UNC93A: variants seen among roughly 807,000 people sequenced by gnomAD.
UNC93A encodes the protein unc-93 homolog A.
Under a neutral mutation model 47.5 loss-of-function variants are expected in UNC93A, and 43 were observed. The observed-to-expected ratio is 0.91, with a 90% CI of 0.71 to 1.17. The LOEUF is 1.17. UNC93A is among the 50% of genes most tolerant of loss of function. The pLI, the probability that UNC93A is intolerant of heterozygous loss-of-function variation, is 0.00. For synonymous variants in UNC93A, 280 were observed against 258.0 expected, an observed-to-expected ratio of 1.09 and a Z score of -0.82; for missense variants, 605 against 577.6, an observed-to-expected ratio of 1.05 and a Z score of -0.49.
chr6:167,298,064 T>C lies in UNC93A; in HGVS notation c.619T>C (p.Tyr207His). 1 of 1,613,824 alleles carries C rather than the reference T, an allele frequency of 6.2e-7. No homozygotes were observed. Among genetic ancestry groups the C allele is most frequent in the Non-Finnish European group, 8.5e-7 (1 of 1,179,922 alleles). ...QQLVYTLLGI[Y>H]TGSGVLAVLM... ...GCTGGTCTACACCCTCCTGGGCATC[T>C]ACACTGGTACGAGCTCCATCGGCCC... The change falls in exon 4 of 8, where the codon TAC becomes CAC. Residue 207 changes from tyrosine (Y) to histidine (H), a missense_variant. By Grantham distance (83) the Tyr-to-His change is moderately conservative. Transcript: ENST00000230256.
chr6:167,314,060 G>A (rs1409467586), intron 7 of UNC93A, among the ~76,000 whole-genome samples: 1 of 152,144 alleles, frequency 6.6e-6, no homozygotes, highest in Non-Finnish European at 1.5e-5. Flanking sequence ...TGCTGTAAGC[G>A]CATCTGCGTT....
chr6:167,290,598 T>A (rs558031968), upstream of UNC93A, among the ~76,000 whole-genome samples: 8 of 152,346 alleles, frequency 5.3e-5, no homozygotes, highest in Non-Finnish European at 1.0e-4. Flanking sequence ...TCTAGCCACA[T>A]GTGGTTAAAT....
rs375640867 is a variant in UNC93A at position 167,307,776 on chromosome 6, C to G, written c.977-3C>G. On this transcript the variant is annotated splice_polypyrimidine_tract_variant and splice_region_variant and intron_variant, in intron 6 of 7. Coordinates refer to ENST00000230256, the MANE Select transcript of UNC93A (RefSeq NM_018974.4). ...CCTGGCGGTTTCCCCTCTGCACCCC[C>G]AGGCGCGGTGACCCACGTGTCCTGC... The G allele has an allele frequency of 2.5e-6, 4 of 1,591,920 alleles. No individual in the cohort carries two copies. In the African/African-American group the frequency reaches 5.9e-5, roughly 24 times the overall value.
upstream of UNC93A, among the ~76,000 whole-genome samples, chr6:167,288,710 T>C (rs954373209): frequency 6.6e-6 from 1 of 152,190 alleles, no homozygotes; most frequent in African/African-American, 2.4e-5. Context: ...AAGCAAACCA[T>C]TGGGTAGACT....
At chr6:167,274,761 CA>C (rs1210330959) in intron 1 of UNC93A, among the ~76,000 whole-genome samples, 5 of 152,160 alleles carry the variant, frequency 3.3e-5, no homozygotes, top group Non-Finnish European at 7.3e-5. Context: ...AACTACCATG[CA>C]GAGCTTCCAT....
intron 1 of UNC93A, among the ~76,000 whole-genome samples, chr6:167,293,803 C>T (rs1385435298): frequency 6.6e-6 from 1 of 152,210 alleles, no homozygotes; most frequent in Non-Finnish European, 1.5e-5. Context: ...TCCTTTCACC[C>T]TTTCTGGCTG....
chr6:167,301,460 G>A (rs571327671), intron 4 of UNC93A, among the ~76,000 whole-genome samples: 1 of 152,268 alleles, frequency 6.6e-6, no homozygotes, highest in Non-Finnish European at 1.5e-5. Context: ...GGACCTAAAA[G>A]AACAAGAACA....
chr6:167,275,191 C>T (rs1361562547), intron 1 of UNC93A, among the ~76,000 whole-genome samples: 2 of 152,168 alleles, frequency 1.3e-5, no homozygotes, highest in African/African-American at 4.8e-5. Context: ...GCCTGGTTGC[C>T]TGCGAAACTC....
intron 7 of UNC93A, 35 bp downstream of exon 7, chr6:167,307,945 A>T: frequency 6.2e-7 from 1 of 1,610,512 alleles, no homozygotes; most frequent in Non-Finnish European, 8.5e-7. Flanking sequence ...CCTCTGTGGC[A>T]GCAGGGGGCG....
At position 167,296,131 on chromosome 6, in the gene UNC93A, A is replaced by G. The variant is rs1332089184; in HGVS notation, c.369A>G (p.Ala123=). The change falls in exon 3 of 8, where the codon GCA becomes GCG. Residue 123 remains alanine, a synonymous_variant. Transcript: ENST00000230256. ...TYLTITGNTH[A]EKAGKRGKDM... ...TCACGATCACGGGAAACACACATGC[A>G]GAGAAGGCGGGAAAGCGTGGCAAAG... is the stretch of plus-strand genomic sequence containing the variant. 1 of 1,614,126 alleles carries G rather than the reference A, an allele frequency of 6.2e-7. No homozygotes were observed. The highest frequency in any genetic ancestry group is 1.3e-5 in the African/African-American group (1 of 74,920).
chr6:167,297,947 A>G lies in UNC93A; in HGVS notation c.502A>G (p.Thr168Ala). The G allele has an allele frequency of 3.7e-6, 6 of 1,613,568 alleles. No homozygotes were observed. The highest frequency in any genetic ancestry group is 1.1e-5 in the South Asian group (1 of 91,046). ...LVFGQTPSQE[T>A]LPEEQLTSCG... ...TCCTGTCCACTCTGACTTCATAGAG[A>G]CCCTTCCAGAAGAGCAGCTCACGTC... The change falls in exon 4 of 8, where the codon ACC becomes GCC. Residue 168 changes from threonine to alanine, a missense_variant and splice_region_variant. By Grantham distance (58) the Thr-to-Ala change is moderately conservative (BLOSUM62 0). Coordinates refer to ENST00000230256, the MANE Select transcript of UNC93A (RefSeq NM_018974.4).
In UNC93A at chr6:167,285,762, G is replaced by A. The variant is rs189857299; in HGVS notation, c.-51-5677G>A. Among the ~76,000 whole-genome samples, 362 of 151,722 alleles carry A rather than the reference G, an allele frequency of 2.4e-3. 3 individuals carry two copies. The highest frequency in any genetic ancestry group is 3.8e-3 in the Admixed American group (58 of 15,116). ...TGGGGGGCTTAGCTTACCTTACAGA[G>A]TTCTTTCTACAACAATTCCTTTATA... On this transcript the variant is annotated intron_variant, in intron 1 of 3. Transcript: ENST00000503433.
chr6:167,306,078 G>C (rs375959744), intron 6 of UNC93A, 28 bp downstream of exon 6: 2 of 1,612,414 alleles, frequency 1.2e-6, no homozygotes, highest in Non-Finnish European at 8.5e-7. Flanking sequence ...TCCCATCCCA[G>C]CTGTCATAAC....
intron 5 of UNC93A, among the ~76,000 whole-genome samples, chr6:167,305,102 T>TCCATCCCCACC (rs1562357351): frequency 1.3e-5 from 2 of 151,372 alleles, no homozygotes; most frequent in African/African-American, 2.4e-5. Flanking sequence ...ACTTCTCTGC[T>TCCATCCCCACC]CCAGATCCCT....
At chr6:167,299,801 C>T (rs1413631968) in intron 4 of UNC93A, among the ~76,000 whole-genome samples, 1 of 152,208 alleles carries the variant, frequency 6.6e-6, no homozygotes, top group Admixed American at 6.5e-5. Context: ...GCCCGCAGGG[C>T]TGGGGGCAAG....
intron 2 of UNC93A, among the ~76,000 whole-genome samples, chr6:167,295,237 T>C (rs928949392): frequency 2.0e-5 from 3 of 152,178 alleles, no homozygotes; most frequent in Non-Finnish European, 4.4e-5. Context: ...GGAGCATCTC[T>C]TCCAGGGACC....
rs1198759864 is a variant in UNC93A, at chr6:167,305,906, T to C, written c.841-9T>C. 1 of 1,614,072 alleles carries C rather than the reference T, an allele frequency of 6.2e-7. No homozygotes were observed. ...CGTCCATGACGTGGCTCTGCACCCC[T>C]CTCCCCAGTCCTATGTCACCTGCAC... On this transcript the variant is annotated splice_polypyrimidine_tract_variant and intron_variant, in intron 5 of 7. Coordinates refer to ENST00000230256, the MANE Select transcript of UNC93A (RefSeq NM_018974.4).
At chr6:167,270,038 A>G (rs1783425017), upstream of UNC93A, among the ~76,000 whole-genome samples, 1 of 64,858 alleles carries the variant, frequency 1.5e-5, no homozygotes, top group African/African-American at 5.9e-5. Context: ...GACTGCCCAG[A>G]GGCTGCACGG....
intron 4 of UNC93A, 184 bp downstream of exon 4, chr6:167,298,254 C>T (rs1395800903): frequency 1.1e-5 from 10 of 919,766 alleles, no homozygotes; most frequent in South Asian, 1.9e-5. Flanking sequence ...GCAGTACACC[C>T]GTGCTGTCTA....
Sources: gnomAD v4.1 joint callset for allele counts (sites outside exome capture counted in the v4.1 genomes callset) on GRCh38, gnomAD v4.1.1 for gene constraint, MANE v1.5 for transcripts, NCBI Gene and HGNC (gene_info 2026-07-23, HGNC 2026-07-21) for gene names.